The following CENPP variants were observed in gnomAD, a reference collection of about 807,000 sequenced individuals.
CENPP encodes centromere protein P.
Under a neutral mutation model 35.6 loss-of-function variants are expected in CENPP, and 24 were observed. The observed-to-expected ratio is 0.67, with a 90% CI of 0.49 to 0.95. CENPP has a LOEUF of 0.95. Ranked by LOEUF, CENPP falls within the 40% of genes least tolerant of loss-of-function variation. The pLI, the probability that CENPP is intolerant of heterozygous loss-of-function variation, is 0.00. For missense variants in CENPP, 332 were observed against 345.3 expected (o/e 0.96, Z 0.31); for synonymous variants, 120 against 125.5 (o/e 0.96, Z 0.29).
intron 5 of CENPP, among the ~76,000 whole-genome samples, chr9:92,475,745 TC>T (rs1845692422): frequency 6.6e-6 from 1 of 152,224 alleles, no homozygotes. Flanking sequence ...GGTATCTTTT[TC>T]CTTCTAATCT....
chr9:92,534,517 A>G (rs1448755836), intron 5 of CENPP, among the ~76,000 whole-genome samples: 3 of 152,194 alleles, frequency 2.0e-5, no homozygotes, highest in African/African-American at 7.2e-5. Flanking sequence ...AACCATTACT[A>G]TAGGTTATTG....
In CENPP at chr9:92,616,562, C is replaced by G. The variant is rs903343810; in HGVS notation, c.*3413C>G. 1.3e-5 allele frequency: 2 copies of G among 154,758 alleles called. No homozygotes were observed. Among genetic ancestry groups the G allele is most frequent in the African/African-American group, 4.8e-5 (2 of 41,468 alleles). 9.6% of individuals were successfully genotyped at this position (154,758 alleles called of 1,614,324 possible). On this transcript the variant is annotated 3_prime_UTR_variant, in exon 8 of 8. Coordinates refer to ENST00000375587, the MANE Select transcript of CENPP (RefSeq NM_001012267.3). ...AAGCCTTCTTCTTTGCCTCTCCTGT[C>G]TGCTGAGAAACGCAAGCTCCTTTGG...
intron 5 of CENPP, among the ~76,000 whole-genome samples, chr9:92,445,009 A>C (rs1195799747): frequency 6.6e-6 from 1 of 152,138 alleles, no homozygotes; most frequent in Non-Finnish European, 1.5e-5. Flanking sequence ...CCTAGGGCCA[A>C]CGTCTCCTAT....
At chr9:92,373,488 ATTG>A (rs1842055159) in intron 4 of CENPP, among the ~76,000 whole-genome samples, 1 of 151,980 alleles carries the variant, frequency 6.6e-6, no homozygotes, top group African/African-American at 2.4e-5. Context: ...TCCTGATTGT[ATTG>A]TTTTTCTGAA....
intron 5 of CENPP, among the ~76,000 whole-genome samples, chr9:92,416,345 C>T (rs1401937383): frequency 1.3e-5 from 2 of 151,678 alleles, no homozygotes; most frequent in Admixed American, 1.3e-4. Flanking sequence ...AGTGATCCAC[C>T]CCACCCGCCT....
chr9:92,339,317 A>G (rs1841032882), intron 3 of CENPP, among the ~76,000 whole-genome samples: 1 of 152,196 alleles, frequency 6.6e-6, no homozygotes, highest in Non-Finnish European at 1.5e-5. Context: ...GGACTTGGTT[A>G]TGGAGTCAGG....
chr9:92,332,279 C>T lies in CENPP; in HGVS notation c.217C>T (p.Leu73Phe). The change falls in exon 2 of 8, where the codon CTT (leucine) becomes TTT (phenylalanine). Residue 73 changes from leucine to phenylalanine, a missense_variant. Leu to Phe is a conservative substitution (Grantham distance 22, BLOSUM62 0). Coordinates refer to ENST00000375587, the MANE Select transcript of CENPP (RefSeq NM_001012267.3). ...ATCAGAACTTTCATTTCTAAGTACG[C>T]TTACTGGCATCAATATAAGAAATCA... Reference protein sequence around the residue: ...LESELSFLSTLTGINIRNHSK... With the variant: ...LESELSFLSTFTGINIRNHSK... 6.2e-7 allele frequency: 1 copy of T among 1,612,472 alleles called. No homozygotes were observed. Among genetic ancestry groups the T allele is most frequent in the Non-Finnish European group, 8.5e-7 (1 of 1,179,206 alleles).
intron 5 of CENPP, among the ~76,000 whole-genome samples, chr9:92,499,763 G>A (rs1846562338): frequency 6.6e-6 from 1 of 152,124 alleles, no homozygotes; most frequent in South Asian, 2.1e-4. Context: ...TAGGCATTTA[G>A]TTTATTTGGA....
intron 5 of CENPP, among the ~76,000 whole-genome samples, chr9:92,473,890 T>C (rs950887774): frequency 6.6e-6 from 1 of 152,240 alleles, no homozygotes; most frequent in African/African-American, 2.4e-5. Context: ...TACAGACTCA[T>C]GAAGTGACCC....
chr9:92,390,563 A>AGTGTGTGT (rs61628295), intron 5 of CENPP, among the ~76,000 whole-genome samples: 33 of 150,554 alleles, frequency 2.2e-4, no homozygotes, highest in African/African-American at 6.3e-4. Flanking sequence ...AGAGAAATTC[A>AGTGTGTGT]GTGTGTGTGT....
At chr9:92,531,964 T>A (rs1563990054) in intron 5 of CENPP, among the ~76,000 whole-genome samples, 1 of 151,418 alleles carries the variant, frequency 6.6e-6, no homozygotes, top group Non-Finnish European at 1.5e-5. Flanking sequence ...CTTCCAGTAT[T>A]TTATTGTTGC....
chr9:92,358,959 T>TC (rs1006413276), intron 4 of CENPP, among the ~76,000 whole-genome samples: 3 of 149,982 alleles, frequency 2.0e-5, no homozygotes, highest in Admixed American at 6.6e-5. Flanking sequence ...TTTCTTTTTT[T>TC]TTTTTTTGAG....
At chr9:92,445,609 C>T (rs963386399) in intron 5 of CENPP, among the ~76,000 whole-genome samples, 3 of 152,096 alleles carry the variant, frequency 2.0e-5, no homozygotes, top group Admixed American at 6.5e-5. Flanking sequence ...ATTGGCCGGG[C>T]GTGGTAGCTC....
At chr9:92,521,605 A>G (rs2131919) in intron 5 of CENPP, among the ~76,000 whole-genome samples, 26,836 of 152,158 alleles carry the variant, frequency 0.18, 3,428 homozygotes, top group East Asian at 0.66. Context: ...TAGTGGTAAC[A>G]TGTCTATAAT....
intron 5 of CENPP, among the ~76,000 whole-genome samples, chr9:92,567,373 G>GATAGATATATATATATATATATATATAT (rs1554688237): frequency 8.5e-5 from 11 of 129,082 alleles, no homozygotes; most frequent in Non-Finnish European, 9.9e-5. Context: ...ACATAAGATA[G>GATAGATATATATATATATATATATATAT]ATATATATAT....
chr9:92,497,559 G>GGTTGCAGTGAGCTGAGATCACGCC (rs1323915764), intron 5 of CENPP, among the ~76,000 whole-genome samples: 2 of 151,776 alleles, frequency 1.3e-5, no homozygotes, highest in East Asian at 1.9e-4. Context: ...GGGAGGTCGA[G>GGTTGCAGTGAGCTGAGATCACGCC]GTTGCAGTGA....
chr9:92,556,864 C>CTTTGTGGGTTTT (rs1322696769), intron 5 of CENPP, among the ~76,000 whole-genome samples: 3 of 151,980 alleles, frequency 2.0e-5, no homozygotes, highest in Non-Finnish European at 2.9e-5. Context: ...TGCCTGTGTA[C>CTTTGTGGGTTTT]TTTGTGGGTT....
chr9:92,603,298 G>A (rs1850978122), intron 5 of CENPP, among the ~76,000 whole-genome samples: 1 of 152,248 alleles, frequency 6.6e-6, no homozygotes, highest in Non-Finnish European at 1.5e-5. Context: ...CATACGCATG[G>A]TAATGTGTGA....
At chr9:92,488,071 A>C (rs1182744266) in intron 5 of CENPP, among the ~76,000 whole-genome samples, 1 of 152,262 alleles carries the variant, frequency 6.6e-6, no homozygotes, top group Non-Finnish European at 1.5e-5. Context: ...CTATGACATT[A>C]GATAAAGTTT....
Sources: gnomAD v4.1 joint callset for allele counts (sites outside exome capture counted in the v4.1 genomes callset) on GRCh38, gnomAD v4.1.1 for gene constraint, MANE v1.5 for transcripts, NCBI Gene and HGNC (gene_info 2026-07-23, HGNC 2026-07-21) for gene names.